Variants in LRRC3B observed in about 807,000 individuals in gnomAD.
LRRC3B encodes leucine rich repeat containing 3B.
A neutral mutation model predicts 12.8 loss-of-function variants in LRRC3B; 2 were observed. The observed-to-expected ratio is 0.16, with a 90% CI of 0.06 to 0.49. LRRC3B has a LOEUF of 0.49. Ranked by LOEUF, LRRC3B falls within the 20% of genes least tolerant of loss-of-function variation. The probability of loss-of-function intolerance (pLI) is 0.96; values close to 1 mark genes in which losing one functional copy is unlikely to be tolerated. For missense variants in LRRC3B, 189 were observed against 319.4 expected (o/e 0.59, Z 3.11); for synonymous variants, 132 against 122.0 (o/e 1.08, Z -0.54).
intron 1 of LRRC3B, among the ~76,000 whole-genome samples, chr3:26,672,525 A>G (rs993075337): frequency 3.9e-5 from 6 of 152,228 alleles, no homozygotes; most frequent in Non-Finnish European, 7.3e-5. Flanking sequence ...GGTTAATTCT[A>G]TCATCCTGTT....
At chr3:26,650,314 T>C (rs530190287) in intron 1 of LRRC3B, among the ~76,000 whole-genome samples, 1 of 152,306 alleles carries the variant, frequency 6.6e-6, no homozygotes, top group South Asian at 2.1e-4. Context: ...TTCTGTTGAG[T>C]CTCAGTGATT....
intron 1 of LRRC3B, among the ~76,000 whole-genome samples, chr3:26,639,726 T>TTA (rs1698982087): frequency 3.9e-5 from 6 of 152,148 alleles, no homozygotes; most frequent in Non-Finnish European, 1.5e-5. Context: ...TCACTGGAAA[T>TTA]GTTAGAGTCC....
chr3:26,682,156 A>G (rs1001383032), intron 1 of LRRC3B, among the ~76,000 whole-genome samples: 1 of 152,186 alleles, frequency 6.6e-6, no homozygotes, highest in Non-Finnish European at 1.5e-5. Flanking sequence ...AACCGAAACC[A>G]TGGAGAGCAA....
At chr3:26,652,820 TAAAC>T (rs1398705307) in intron 1 of LRRC3B, among the ~76,000 whole-genome samples, 1 of 152,138 alleles carries the variant, frequency 6.6e-6, no homozygotes, top group Admixed American at 6.5e-5. Flanking sequence ...CTAATGAAAG[TAAAC>T]AAAGCATCTC....
chr3:26,639,485 T>TTTAAATTAAATTTAAATTAAATTAAA (rs1559351434), intron 1 of LRRC3B, among the ~76,000 whole-genome samples: 3 of 120,240 alleles, frequency 2.5e-5, no homozygotes, highest in African/African-American at 3.5e-5. Flanking sequence ...AATCTTTAAA[T>TTTAAATTAAATTTAAATTAAATTAAA]TTAAATTAAA....
intron 1 of LRRC3B, among the ~76,000 whole-genome samples, chr3:26,699,356 A>ACT (rs970175618): frequency 4.6e-5 from 7 of 152,114 alleles, no homozygotes; most frequent in Non-Finnish European, 1.0e-4. Context: ...TCTCCTTGTA[A>ACT]CTGTGAGACC....
intron 1 of LRRC3B, chr3:26,624,915 T>G (rs576968408): frequency 6.6e-6 from 1 of 152,262 alleles, no homozygotes; most frequent in African/African-American, 2.4e-5. Flanking sequence ...CTCCCCTCCC[T>G]TTTATCCATC....
chr3:26,661,743 T>C (rs990338635), intron 1 of LRRC3B, among the ~76,000 whole-genome samples: 4 of 152,192 alleles, frequency 2.6e-5, no homozygotes, highest in African/African-American at 9.7e-5. Context: ...CCACACTCTC[T>C]TGAATATGAC....
chr3:26,655,001 A>G (rs1205416489), intron 1 of LRRC3B, among the ~76,000 whole-genome samples: 1 of 152,120 alleles, frequency 6.6e-6, no homozygotes, highest in Non-Finnish European at 1.5e-5. Flanking sequence ...TTACTTAAAT[A>G]TATTTATAAA....
At chr3:26,709,160 TATCTC>T (rs1360441912) in intron 1 of LRRC3B, among the ~76,000 whole-genome samples, 2 of 152,214 alleles carry the variant, frequency 1.3e-5, no homozygotes, top group Admixed American at 6.5e-5. Context: ...ATGCATCTGT[TATCTC>T]AGAAAGGGTG....
chr3:26,663,937 T>C (rs999903760), intron 1 of LRRC3B, among the ~76,000 whole-genome samples: 1 of 152,156 alleles, frequency 6.6e-6, no homozygotes, highest in African/African-American at 2.4e-5. Flanking sequence ...ATTGCCCCTT[T>C]TTAATTCAAT....
At chr3:26,688,926 G>C (rs1700138580) in intron 1 of LRRC3B, among the ~76,000 whole-genome samples, 1 of 152,192 alleles carries the variant, frequency 6.6e-6, no homozygotes. Context: ...CTTGTAAACA[G>C]ATGTGCCTAG....
intron 1 of LRRC3B, among the ~76,000 whole-genome samples, chr3:26,708,045 C>T (rs1435637873): frequency 2.0e-5 from 3 of 152,216 alleles, no homozygotes; most frequent in Admixed American, 2.0e-4. Context: ...TTTCAGCTCA[C>T]ATTAATCTTC....
chr3:26,656,286 A>G (rs182714064), intron 1 of LRRC3B, among the ~76,000 whole-genome samples: 48 of 152,264 alleles, frequency 3.2e-4, no homozygotes, highest in Non-Finnish European at 6.2e-4. Context: ...CAAATACGTA[A>G]TGACTCACCA....
At chr3:26,674,051 A>G (rs774797090) in intron 1 of LRRC3B, among the ~76,000 whole-genome samples, 15 of 152,246 alleles carry the variant, frequency 9.9e-5, no homozygotes, top group Non-Finnish European at 2.1e-4. Flanking sequence ...TTGTGATTTA[A>G]TATAAATCAT....
At chr3:26,655,644 GC>G (rs1268596294) in intron 1 of LRRC3B, among the ~76,000 whole-genome samples, 5 of 152,038 alleles carry the variant, frequency 3.3e-5, no homozygotes, top group Non-Finnish European at 7.4e-5. Context: ...TCATAGATGT[GC>G]CCTTTTTATA....
intron 1 of LRRC3B, among the ~76,000 whole-genome samples, chr3:26,652,070 C>T (rs1699275898): frequency 6.6e-6 from 1 of 152,172 alleles, no homozygotes; most frequent in African/African-American, 2.4e-5. Flanking sequence ...TTTGCTGCCC[C>T]TACTATAATT....
chr3:26,631,286 G>C (rs1698752818), intron 1 of LRRC3B, among the ~76,000 whole-genome samples: 2 of 152,144 alleles, frequency 1.3e-5, no homozygotes, highest in Admixed American at 1.3e-4. Flanking sequence ...CCTGAAATGA[G>C]GGTGAATTAT....
intron 1 of LRRC3B, among the ~76,000 whole-genome samples, chr3:26,636,823 TCCCTCCCTCCCTCCCTGCCTCCCTC>T (rs1698885054): frequency 4.0e-5 from 1 of 25,128 alleles, no homozygotes; most frequent in Non-Finnish European, 7.0e-5. Flanking sequence ...CCTCCCTCCC[TCCCTCCCTCCCTCCCTGCCTCCCTC>T]CCTCCCTCCC....
Sources: gnomAD v4.1 joint callset for allele counts (sites outside exome capture counted in the v4.1 genomes callset) on GRCh38, gnomAD v4.1.1 for gene constraint, MANE v1.5 for transcripts, NCBI Gene and HGNC (gene_info 2026-07-23, HGNC 2026-07-21) for gene names.